The following PFKFB3 variants were observed in gnomAD, a reference collection of about 807,000 sequenced individuals.
The protein encoded by PFKFB3 is 6-phosphofructo-2-kinase/fructose-2,6-bisphosphatase 3.
PFKFB3 carries 33 observed loss-of-function variants against 68.0 expected under a neutral mutation model. That is an observed-to-expected ratio of 0.49 (90% CI 0.37 to 0.65). PFKFB3 has a LOEUF of 0.65. Ranked by LOEUF, PFKFB3 falls within the 30% of genes least tolerant of loss-of-function variation. The pLI, the probability that PFKFB3 is intolerant of heterozygous loss-of-function variation, is 0.00. For missense variants in PFKFB3, 586 were observed against 712.2 expected (o/e 0.82, Z 2.02); for synonymous variants, 315 against 288.2 (o/e 1.09, Z -0.94).
chr10:6,149,413 C>G (rs147487472), intron 1 of PFKFB3, among the ~76,000 whole-genome samples: 2 of 151,648 alleles, frequency 1.3e-5, no homozygotes, highest in African/African-American at 4.8e-5. Context: ...ATGGTGAAAC[C>G]CTGTCTCTAC....
chr10:6,296,993 A>G, the PFKFB3 span, among the ~76,000 whole-genome samples: 1 of 152,212 alleles, frequency 6.6e-6, no homozygotes, highest in Non-Finnish European at 1.5e-5. Flanking sequence ...AACCCAAGGT[A>G]AAGGGATAAT....
rs1338168622 is a variant in PFKFB3 at position 6,232,884 on chromosome 10, C to T, written c.1516-11C>T. On this transcript the variant is annotated splice_polypyrimidine_tract_variant and intron_variant, in intron 14 of 14. Coordinates refer to ENST00000379775, the MANE Select transcript of PFKFB3 (RefSeq NM_004566.4). The stretch of plus-strand genomic sequence containing the variant: ...AACTCCCTCCCCACCTCTCTTTTCT[C>T]CTGAAAACAGAACATGAAAGGCTCC... 4.3e-6 allele frequency: 7 copies of T among 1,610,766 alleles called. No individual in the cohort carries two copies. The highest frequency in any genetic ancestry group is 1.7e-4 in the Middle Eastern group (1 of 6,058).
chr10:6,230,825 C>G (rs1588544474), intron 14 of PFKFB3, among the ~76,000 whole-genome samples: 1 of 152,038 alleles, frequency 6.6e-6, no homozygotes, highest in East Asian at 1.9e-4. Context: ...AAGCGATTCT[C>G]CTGCCTCAAC....
the PFKFB3 span, among the ~76,000 whole-genome samples, chr10:6,300,995 G>T: frequency 6.6e-6 from 1 of 152,190 alleles, no homozygotes; most frequent in African/African-American, 2.4e-5. Context: ...CCTGAGGGGA[G>T]TGCCTTTCTG....
At chr10:6,155,470 C>A (rs1841750352) in intron 1 of PFKFB3, among the ~76,000 whole-genome samples, 1 of 152,150 alleles carries the variant, frequency 6.6e-6, no homozygotes, top group Admixed American at 6.6e-5. Flanking sequence ...TCCCAAAGTG[C>A]TGGGATTACA....
chr10:6,262,056 T>C, the PFKFB3 span, among the ~76,000 whole-genome samples: 1 of 150,112 alleles, frequency 6.7e-6, no homozygotes, highest in African/African-American at 2.4e-5. Flanking sequence ...GATACTAGAC[T>C]TAATACCTGG....
In PFKFB3 at chr10:6,229,158, G is replaced by A. The variant is rs1432541189; in HGVS notation, c.1515+2793G>A. 1 of 529,476 alleles carries A rather than the reference G, an allele frequency of 1.9e-6. No individual in the cohort carries two copies. Among genetic ancestry groups the A allele is most frequent in the African/African-American group, 1.9e-5 (1 of 51,854 alleles). 32.8% of individuals were successfully genotyped at this position (529,476 alleles called of 1,614,324 possible). On this transcript the variant is annotated intron_variant, in intron 14 of 14. Transcript: ENST00000379775. The surrounding 1 kb of genome is among the most constrained non-coding windows in gnomAD (Gnocchi z 4.3). ...TGCAGCCTGAGATGCTGAAAAGAAT[G>A]ACTGGCTTTGGAAATGGGAGAGGTT...
the PFKFB3 span, among the ~76,000 whole-genome samples, chr10:6,323,039 A>G: frequency 6.6e-6 from 1 of 152,224 alleles, no homozygotes; most frequent in African/African-American, 2.4e-5. Flanking sequence ...AGTGAAACAG[A>G]TGAGTGAATG....
rs1407949931 is a variant in PFKFB3, at chr10:6,210,536, G to A, written c.77-3087G>A. Reference sequence around the variant, plus strand: ...CCAACATGGCCGGCTAATTTTTTGTGTTTTTAATAGACGGGGTTTCGCCAT... The same window carrying A: ...CCAACATGGCCGGCTAATTTTTTGTATTTTTAATAGACGGGGTTTCGCCAT... On this transcript the variant is annotated intron_variant, in intron 1 of 14. Transcript: ENST00000379775. Among the ~76,000 whole-genome samples the A allele has an allele frequency of 1.4e-4, 15 of 104,292 alleles. 2 individuals carry two copies. The East Asian group carries it at 1.6e-3, about 11-fold the overall frequency. The allele number at this position is 104,292 out of a possible 152,430, so 68.4% of individuals were successfully genotyped here.
rs139193315 is a variant in PFKFB3, at chr10:6,253,524, T to C, written c.1516-654T>C. Among the ~76,000 whole-genome samples, 432 of 152,230 alleles carry C rather than the reference T, an allele frequency of 2.8e-3. 2 individuals carry two copies. Among genetic ancestry groups the C allele is most frequent in the Admixed American group, 4.7e-3 (72 of 15,292 alleles). ...AAGTGGTACCCTAAAGGAGCTGGAT[T>C]TGTCCCAGGCCAGGGTGCCAGCGGG... On this transcript the variant is annotated intron_variant, in intron 14 of 14. Transcript: ENST00000640683.
intron 1 of PFKFB3, among the ~76,000 whole-genome samples, chr10:6,187,058 T>G (rs1429203031): frequency 6.6e-6 from 1 of 151,776 alleles, no homozygotes; most frequent in Non-Finnish European, 1.5e-5. Context: ...TTCTGAAAAG[T>G]TGTCTCGAAA....
chr10:6,273,167 C>G, the PFKFB3 span, among the ~76,000 whole-genome samples: 1 of 152,016 alleles, frequency 6.6e-6, no homozygotes, highest in African/African-American at 2.4e-5. Flanking sequence ...CCACCACGTG[C>G]GGCTAATTTT....
intron 1 of PFKFB3, among the ~76,000 whole-genome samples, chr10:6,206,795 C>T (rs1324508397): frequency 1.9e-5 from 2 of 107,844 alleles, no homozygotes; most frequent in African/African-American, 3.8e-5. Context: ...CCTCACATCC[C>T]AGACGATGGG....
At chr10:6,274,610 G>C in the PFKFB3 span, among the ~76,000 whole-genome samples, 7 of 152,026 alleles carry the variant, frequency 4.6e-5, no homozygotes, top group Admixed American at 2.6e-4. Flanking sequence ...ACTTTGGGAG[G>C]CTGATGTAGG....
At chr10:6,276,655 A>T in the PFKFB3 span, among the ~76,000 whole-genome samples, 1 of 2,012 alleles carries the variant, frequency 5.0e-4, no homozygotes, top group African/African-American at 5.1e-4. Context: ...TAATTCAATT[A>T]AAAAAAAATT....
At chr10:6,325,034 A>G in the PFKFB3 span, among the ~76,000 whole-genome samples, 52 of 152,024 alleles carry the variant, frequency 3.4e-4, no homozygotes, top group East Asian at 9.6e-3. Flanking sequence ...TGCAATCTTG[A>G]CTCACTATAG....
chr10:6,239,422 T>C (rs1489245828), downstream of PFKFB3, among the ~76,000 whole-genome samples: 2 of 152,200 alleles, frequency 1.3e-5, no homozygotes, highest in Non-Finnish European at 2.9e-5. Flanking sequence ...TGCTCCTGCA[T>C]GAGTCAGCAG....
chr10:6,208,371 CTTTTTT>C (rs35447462), intron 1 of PFKFB3, among the ~76,000 whole-genome samples: 9 of 60,618 alleles, frequency 1.5e-4, no homozygotes, highest in South Asian at 7.9e-4. Context: ...GGTACCTGGC[CTTTTTT>C]TTTTTTTTTT....
intron 10 of PFKFB3, among the ~76,000 whole-genome samples, chr10:6,222,554 T>C (rs1845042974): frequency 6.6e-6 from 1 of 152,164 alleles, no homozygotes; most frequent in Non-Finnish European, 1.5e-5. Context: ...TGCATCTGGA[T>C]CTGCCTATTC....
Sources: gnomAD v4.1 joint callset for allele counts (sites outside exome capture counted in the v4.1 genomes callset) on GRCh38, gnomAD v4.1.1 for gene constraint, Gnocchi (gnomAD v3.1) non-coding constraint, MANE v1.5 for transcripts, NCBI Gene and HGNC (gene_info 2026-07-23, HGNC 2026-07-21) for gene names.